FLII: variants seen among roughly 807,000 people sequenced by gnomAD.
FLII encodes the protein FLII actin remodeling protein, also known as protein flightless-1 homolog.
Under a neutral mutation model 156.2 loss-of-function variants are expected in FLII, and 101 were observed. The observed-to-expected ratio is 0.65, with a 90% confidence interval of 0.55 to 0.76. The LOEUF (loss-of-function observed/expected upper bound fraction) is 0.76. FLII is among the 30% of genes least tolerant of loss of function. FLII has a pLI of 0.00. For synonymous variants in FLII, 767 were observed against 685.8 expected, an observed-to-expected ratio of 1.12 and a Z score of -1.85; for missense variants, 1,675 against 1,682.8, an observed-to-expected ratio of 1.00 and a Z score of 0.08.
intron 1 of FLII, 77 bp from the exon 2 acceptor site, chr17:18,257,096 T>C: frequency 1.1e-6 from 1 of 905,766 alleles, no homozygotes; most frequent in Non-Finnish European, 1.7e-6. Context: ...CATGGGAGCC[T>C]TTGGGGAGCC....
Position 18,246,675 on chromosome 17 carries a change from A to G in FLII, c.2970T>C (p.Arg990=). 1 of 1,613,778 alleles carries G rather than the reference A, an allele frequency of 6.2e-7. No homozygotes were observed. Among genetic ancestry groups the G allele is most frequent in the Non-Finnish European group, 8.5e-7 (1 of 1,179,864 alleles). The change falls in exon 23 of 30, where the codon CGT becomes CGC. Residue 990 remains arginine (R), a synonymous_variant. Transcript: ENST00000327031. ...FQCIVYFWQG[R]EASNMGWLTF... ...TGAGCCAGCCCATATTGGAGGCTTC[A>G]CGGCCCTGCCAGAAGTACACGATGC... is the stretch of plus-strand genomic sequence containing the variant.
intron 24 of FLII, 36 bp downstream of exon 24, chr17:18,246,272 G>T (rs2048048968): frequency 1.2e-6 from 2 of 1,613,980 alleles, no homozygotes; most frequent in Admixed American, 3.3e-5. Context: ...GCTCCCTGAC[G>T]CTTGCTCGCC....
At chr17:18,253,125 A>C (rs2048317798) in intron 9 of FLII, among the ~76,000 whole-genome samples, 176 bp downstream of exon 9, 1 of 152,200 alleles carries the variant, frequency 6.6e-6, no homozygotes, top group African/African-American at 2.4e-5. Flanking sequence ...ATTCCAGCCC[A>C]GGCGACAGAG....
rs368816922 is a variant in FLII at position 18,247,923 on chromosome 17, T to G, written c.2295+6A>C. The G allele has an allele frequency of 1.9e-5, 31 of 1,613,760 alleles. No individual in the cohort carries two copies. The Admixed American group carries it at 5.2e-4, about 27-fold the overall frequency. Reference sequence around the variant, plus strand: ...TGGCCCCACGCCCTCCTCCTGCATCTCTTACCAGCCGCATTCTTGGCATCA... The same window carrying G: ...TGGCCCCACGCCCTCCTCCTGCATCGCTTACCAGCCGCATTCTTGGCATCA... On this transcript the variant is annotated splice_donor_region_variant and intron_variant, in intron 19 of 29. Transcript: ENST00000327031.
At chr17:18,247,117 C>T in intron 21 of FLII, 52 bp downstream of exon 21, 2 of 1,455,090 alleles carry the variant, frequency 1.4e-6, no homozygotes, top group Non-Finnish European at 1.8e-6. Flanking sequence ...GCCCCGCCCT[C>T]GGCCTGCCCC....
chr17:18,250,277 A>G (rs1219926029), intron 14 of FLII, among the ~76,000 whole-genome samples: 2 of 152,110 alleles, frequency 1.3e-5, no homozygotes, highest in Admixed American at 1.3e-4. Context: ...TTCATGGAAG[A>G]GTGGAAACCT....
Position 18,244,927 on chromosome 17 carries a change from G to C in FLII, c.*211C>G, listed in dbSNP as rs1282713476. 1 of 595,430 alleles carries C rather than the reference G, an allele frequency of 1.7e-6. No homozygotes were observed. The highest frequency in any genetic ancestry group is 1.8e-5 in the African/African-American group (1 of 54,750). The allele number at this position is 595,430 out of a possible 1,614,324, so 36.9% of individuals were successfully genotyped here. Reference sequence around the variant, plus strand: ...GCGGAAGAGTGAGGGGGCTTCACACGTGCACTCACACTGTGGAGAGAGTTG... The same window carrying C: ...GCGGAAGAGTGAGGGGGCTTCACACCTGCACTCACACTGTGGAGAGAGTTG... On this transcript the variant is annotated 3_prime_UTR_variant, in exon 30 of 30. Transcript: ENST00000327031.
At position 18,253,329 on chromosome 17, in the gene FLII, G is replaced by C. The variant is rs1409831924; in HGVS notation, c.985C>G (p.Leu329Val). 1.2e-6 allele frequency: 2 copies of C among 1,613,834 alleles called. No individual in the cohort carries two copies. The highest frequency in any genetic ancestry group is 2.7e-5 in the African/African-American group (2 of 74,948). The change falls in exon 9 of 30, where the codon CTG (leucine) becomes GTG (valine). Residue 329 changes from leucine (L) to valine (V), a missense_variant. Physicochemically the swap from Leu to Val is conservative, Grantham distance 32. Transcript: ENST00000327031. ...LEEFMAANNN[L>V]ELVPESLCRC... ...CAGAGACTTTCAGGGACCAGCTCCA[G>C]GTTGTTGTTGGCAGCCATGAACTCT...
Position 18,253,533 on chromosome 17 carries a change from C to G in FLII, c.855+11G>C. 1 of 1,613,010 alleles carries G rather than the reference C, an allele frequency of 6.2e-7. No individual in the cohort carries two copies. Among genetic ancestry groups the G allele is most frequent in the Non-Finnish European group, 8.5e-7 (1 of 1,179,186 alleles). On this transcript the variant is annotated intron_variant, in intron 8 of 29. Coordinates refer to ENST00000327031, the MANE Select transcript of FLII (RefSeq NM_002018.4). ...TTCCTCCCATCCCCCTACTGAGGGCCTCAGACGCACGGGCAGTGAGGTGAG... is the reference window on the plus strand; with the variant it reads ...TTCCTCCCATCCCCCTACTGAGGGCGTCAGACGCACGGGCAGTGAGGTGAG...
chr17:18,246,358 T>C lies in FLII; in HGVS notation c.3156A>G (p.Gln1052=). The change falls in exon 24 of 30, where the codon CAA becomes CAG. Residue 1052 remains glutamine (Q), a synonymous_variant. Transcript: ENST00000327031. Reference sequence around the variant, plus strand: ...TGCGGATCTGGTAGAGGCTGGGCTGTTGGGCGCCCTGGACCGCCTTCCTCT... The same window carrying C: ...TGCGGATCTGGTAGAGGCTGGGCTGCTGGGCGCCCTGGACCGCCTTCCTCT... ...RGKRKAVQGA[Q]QPSLYQIRTN... is the part of the protein sequence containing the mutation. The C allele has an allele frequency of 6.2e-7, 1 of 1,613,908 alleles. No homozygotes were observed. Among genetic ancestry groups the C allele is most frequent in the Non-Finnish European group, 8.5e-7 (1 of 1,179,994 alleles).
In FLII at chr17:18,253,574, G is replaced by A; in HGVS notation, c.825C>T (p.Asn275=). ...GTGAGGTGAGCTGATTTCGGGACAG[G>A]TTCAGAGTTTCCACGTGCACCCACT... ...IDQWVHVETL[N]LSRNQLTSLP... Residue 275 remains asparagine (N), a synonymous_variant, in exon 8 of 30, where the codon AAC becomes AAT. Transcript: ENST00000327031. 6.2e-7 allele frequency: 1 copy of A among 1,613,712 alleles called. No homozygotes were observed. Among genetic ancestry groups the A allele is most frequent in the Non-Finnish European group, 8.5e-7 (1 of 1,179,708 alleles).
intron 6 of FLII, 112 bp downstream of exon 6, chr17:18,254,409 C>G: frequency 1.8e-6 from 2 of 1,127,998 alleles, no homozygotes; most frequent in Non-Finnish European, 1.2e-6. Flanking sequence ...GCTGCCTGCA[C>G]GGAGGGATGG....
chr17:18,253,453 G>A lies in FLII; in HGVS notation c.861C>T (p.Ala287=). ...SRNQLTSLPS[A]ICKLSKLKKL... ...TCTTCAGCTTGCTCAGCTTGCAAATGGCTGACTGGAGGGGGAACGGGCAGG... is the reference window on the plus strand; with the variant it reads ...TCTTCAGCTTGCTCAGCTTGCAAATAGCTGACTGGAGGGGGAACGGGCAGG... Residue 287 remains alanine, a synonymous_variant, in exon 9 of 30, where the codon GCC becomes GCT. Transcript: ENST00000327031. 1 of 1,613,860 alleles carries A rather than the reference G, an allele frequency of 6.2e-7. No homozygotes were observed. The highest frequency in any genetic ancestry group is 1.1e-5 in the South Asian group (1 of 91,086).
In FLII at chr17:18,254,841, T is replaced by C; in HGVS notation, c.341A>G (p.Asn114Ser). ...CTCCCGCGGGCACTCTGTCAGCTGG[T>C]TGTGGCTCAAGTCCTGGGTAGAAGG... ...DDLSVLDLSH[N>S]QLTECPRELE... Residue 114 changes from asparagine (N) to serine (S), a missense_variant, in exon 5 of 30, where the codon AAC (asparagine) becomes AGC (serine). Asn to Ser is a conservative substitution (Grantham distance 46). Around this residue, in one of 2 missense-constraint regions of FLII, gnomAD observed 343 missense variants for 413.5 expected, o/e 0.83. Coordinates refer to ENST00000327031, the MANE Select transcript of FLII (RefSeq NM_002018.4). The C allele has an allele frequency of 6.2e-7, 1 of 1,614,080 alleles. No individual in the cohort carries two copies. The highest frequency in any genetic ancestry group is 8.5e-7 in the Non-Finnish European group (1 of 1,180,010).
chr17:18,256,456 C>T lies in FLII; in HGVS notation c.246+70G>A, dbSNP rs570300083. 8.5e-6 allele frequency: 11 copies of T among 1,287,060 alleles called. No individual in the cohort carries two copies. In the Admixed American group the frequency reaches 1.8e-4, roughly 21 times the overall value. The allele number at this position is 1,287,060 out of a possible 1,614,324, so 79.7% of individuals were successfully genotyped here. A position where few individuals can be genotyped will look rare whatever the true frequency, so the allele number is the denominator to read the frequency against. The stretch of plus-strand genomic sequence containing the variant: ...ATGCTGGCCCAGCTTGGTGTCTAGC[C>T]CAGGCTTCACGTCCCTGACCGGACC... On this transcript the variant is annotated intron_variant, in intron 3 of 29. Coordinates refer to ENST00000327031, the MANE Select transcript of FLII (RefSeq NM_002018.4).
In FLII at chr17:18,245,370, C is replaced by G. The variant is rs2047998821; in HGVS notation, c.3659G>C (p.Ser1220Thr). Residue 1220 changes from serine to threonine, a missense_variant, in exon 29 of 30, where the codon AGC becomes ACC. Ser to Thr is a moderately conservative substitution (Grantham distance 58). Around this residue, in one of 2 missense-constraint regions of FLII, gnomAD observed 1,332 missense variants for 1,269.3 expected, o/e 1.05. Transcript: ENST00000327031. ...TQTSQVEIKL[S>T]LKACQVYIQH... ...CCAGATTACCTGGCAGGCCTTCAGGCTCAGCTTGATCTCCACCTGGCTAGT... is the reference window on the plus strand; with the variant it reads ...CCAGATTACCTGGCAGGCCTTCAGGGTCAGCTTGATCTCCACCTGGCTAGT... 2 of 1,614,106 alleles carry G rather than the reference C, an allele frequency of 1.2e-6. No individual in the cohort carries two copies. The highest frequency in any genetic ancestry group is 2.2e-5 in the South Asian group (2 of 91,090).
Position 18,252,475 on chromosome 17 carries a change from G to T in FLII, c.1095C>A (p.Ile365=), listed in dbSNP as rs775311460. The change falls in exon 10 of 30, where the codon ATC becomes ATA. Residue 365 remains isoleucine, a synonymous_variant. Coordinates refer to ENST00000327031, the MANE Select transcript of FLII (RefSeq NM_002018.4). The stretch of plus-strand genomic sequence containing the variant: ...TCTCAAACCCAGCATGCCTGACCTC[G>T]ATCTCCGTCAGGAAATGGATGGCTT... ...LPEAIHFLTE[I]EVLDVRENPN... 1.9e-6 allele frequency: 3 copies of T among 1,613,358 alleles called. No homozygotes were observed. The highest frequency in any genetic ancestry group is 1.7e-5 in the Admixed American group (1 of 60,004).
rs1446255179 is a variant in FLII at position 18,244,950 on chromosome 17, T to C, written c.*188A>G. On this transcript the variant is annotated 3_prime_UTR_variant, in exon 30 of 30. Coordinates refer to ENST00000327031, the MANE Select transcript of FLII (RefSeq NM_002018.4). ...ACGTGCACTCACACTGTGGAGAGAGTTGGATTTCCCAGACCCCTGAGGGCA... is the reference window on the plus strand; with the variant it reads ...ACGTGCACTCACACTGTGGAGAGAGCTGGATTTCCCAGACCCCTGAGGGCA... 3.1e-6 allele frequency: 2 copies of C among 651,696 alleles called. No individual in the cohort carries two copies. The highest frequency in any genetic ancestry group is 2.0e-5 in the South Asian group (1 of 48,830). The allele number at this position is 651,696 out of a possible 1,614,324, so 40.4% of individuals were successfully genotyped here. A position where few individuals can be genotyped will look rare whatever the true frequency, so the allele number is the denominator to read the frequency against.
intron 2 of FLII, 45 bp downstream of exon 2, chr17:18,256,864 G>A (rs2048434399): frequency 4.6e-6 from 6 of 1,303,614 alleles, no homozygotes; most frequent in Non-Finnish European, 6.5e-6. Context: ...CTGCCCACCT[G>A]GCTCATCCAC....
Sources: gnomAD v4.1 joint callset for allele counts (sites outside exome capture counted in the v4.1 genomes callset) on GRCh38, gnomAD v4.1.1 for gene constraint, gnomAD v4.1.1 regional missense constraint, MANE v1.5 for transcripts, NCBI Gene and HGNC (gene_info 2026-07-23, HGNC 2026-07-21) for gene names.